The following PPP3CA variants were observed in gnomAD, a reference collection of about 807,000 sequenced individuals.
The protein encoded by PPP3CA is protein phosphatase 3 catalytic subunit alpha.
A neutral mutation model predicts 66.5 loss-of-function variants in PPP3CA; 14 were observed. That is an observed-to-expected ratio of 0.21 (90% CI 0.14 to 0.33). PPP3CA has a LOEUF of 0.33. Among genes scored for constraint, PPP3CA ranks in the 10% least tolerant of loss-of-function variants. The pLI, the probability that PPP3CA is intolerant of heterozygous loss-of-function variation, is 1.00. For missense variants in PPP3CA, 317 were observed against 639.5 expected, an observed-to-expected ratio of 0.50 and a Z score of 5.44; for synonymous variants, 232 against 226.2, an observed-to-expected ratio of 1.03 and a Z score of -0.23.
intron 11 of PPP3CA, among the ~76,000 whole-genome samples, chr4:101,033,256 G>A (rs1727075261): frequency 6.7e-6 from 1 of 148,562 alleles, no homozygotes; most frequent in Non-Finnish European, 1.5e-5. Context: ...ATATTTGCGT[G>A]TATATATACA....
intron 10 of PPP3CA, among the ~76,000 whole-genome samples, chr4:101,050,152 T>C (rs1727945894): frequency 6.6e-6 from 1 of 152,034 alleles, no homozygotes; most frequent in Admixed American, 6.6e-5. Flanking sequence ...TATAAATATA[T>C]TATTATCTTA....
At chr4:101,217,023 T>G (rs969263082) in intron 1 of PPP3CA, among the ~76,000 whole-genome samples, 1 of 152,146 alleles carries the variant, frequency 6.6e-6, no homozygotes, top group Admixed American at 6.5e-5. Context: ...GTTCAAAAAA[T>G]TACGTAAGTA....
chr4:101,113,127 A>C (rs1721728036), intron 2 of PPP3CA, among the ~76,000 whole-genome samples: 3 of 152,144 alleles, frequency 2.0e-5, no homozygotes, highest in South Asian at 4.1e-4. Flanking sequence ...CACAGGTTTC[A>C]ATACAGTGTG....
At chr4:101,334,196 G>A (rs1245264309) in intron 1 of PPP3CA, among the ~76,000 whole-genome samples, 4 of 151,338 alleles carry the variant, frequency 2.6e-5, no homozygotes, top group South Asian at 4.2e-4. Flanking sequence ...GTGCAATGTC[G>A]TGATCTCTGC....
chr4:101,042,922 C>T lies in PPP3CA; in HGVS notation c.1157-2356G>A, dbSNP rs569089596. 2.7e-5 allele frequency among the ~76,000 whole-genome samples: 4 copies of T among 150,936 alleles called. No homozygotes were observed. In the East Asian group the frequency reaches 7.8e-4, roughly 30 times the overall value. On this transcript the variant is annotated intron_variant, in intron 10 of 13. Coordinates refer to ENST00000394854, the MANE Select transcript of PPP3CA (RefSeq NM_000944.5). The stretch of plus-strand genomic sequence containing the variant: ...AATGATGCTTTCAGTCTAACATTGT[C>T]CTATTACTACTCTATGTTTAAAATT...
At chr4:101,156,734 T>G (rs1442878404) in intron 2 of PPP3CA, among the ~76,000 whole-genome samples, 1 of 151,902 alleles carries the variant, frequency 6.6e-6, no homozygotes, top group South Asian at 2.1e-4. Flanking sequence ...ACAAAGCAAT[T>G]TGGCTAGATT....
intron 1 of PPP3CA, among the ~76,000 whole-genome samples, chr4:101,218,988 T>C (rs902739132): frequency 2.6e-5 from 4 of 152,040 alleles, no homozygotes; most frequent in Non-Finnish European, 4.4e-5. Context: ...TGCTAAAGAT[T>C]TGAGTTTGTT....
At chr4:101,326,481 T>C (rs1729212508) in intron 1 of PPP3CA, among the ~76,000 whole-genome samples, 1 of 152,220 alleles carries the variant, frequency 6.6e-6, no homozygotes, top group East Asian at 1.9e-4. Context: ...GCTCCAATTT[T>C]AAGAGAAGCA....
At chr4:101,051,393 C>T (rs116761760) in intron 10 of PPP3CA, among the ~76,000 whole-genome samples, 1 of 152,240 alleles carries the variant, frequency 6.6e-6, no homozygotes, top group Non-Finnish European at 1.5e-5. Flanking sequence ...CATCAGTTAT[C>T]AATTACTCTA....
intron 1 of PPP3CA, among the ~76,000 whole-genome samples, chr4:101,232,698 A>G (rs964138938): frequency 2.0e-5 from 3 of 151,578 alleles, no homozygotes; most frequent in Non-Finnish European, 4.4e-5. Context: ...GAAAAAAGGA[A>G]TATCTCTTTG....
chr4:101,069,700 C>A (rs1728830503), intron 8 of PPP3CA, among the ~76,000 whole-genome samples: 1 of 152,016 alleles, frequency 6.6e-6, no homozygotes, highest in Admixed American at 6.6e-5. Flanking sequence ...AAGACCAACC[C>A]CTCTTCCTCT....
In PPP3CA at chr4:101,193,226, G is replaced by A. The variant is rs1328471439; in HGVS notation, c.259+2690C>T. Among the ~76,000 whole-genome samples, 6 of 152,164 alleles carry A rather than the reference G, an allele frequency of 3.9e-5. No individual in the cohort carries two copies. The South Asian group carries it at 8.3e-4, about 21-fold the overall frequency. ...ATGTGATATATACCACCTGTACCAG[G>A]TAAATGTATAATAAACATTTCATTA... On this transcript the variant is annotated intron_variant, in intron 2 of 13. Transcript: ENST00000394854.
At chr4:101,273,923 T>C (rs533852620) in intron 1 of PPP3CA, among the ~76,000 whole-genome samples, 4 of 152,064 alleles carry the variant, frequency 2.6e-5, no homozygotes, top group Non-Finnish European at 5.9e-5. Context: ...TTAAATTTTA[T>C]AATTGATTTA....
chr4:101,083,274 C>CA lies in PPP3CA; in HGVS notation c.783-12dup, dbSNP rs1560592854. Reference sequence around the variant, plus strand: ...CATACAGCCGGGTAACTGCCAGAGACAAAAAGAAAAGGGAAGCATCTGTTA... The same window carrying CA: ...CATACAGCCGGGTAACTGCCAGAGACAAAAAAGAAAAGGGAAGCATCTGTTA... On this transcript the variant is annotated splice_polypyrimidine_tract_variant and intron_variant, in intron 6 of 13. Coordinates refer to ENST00000394854, the MANE Select transcript of PPP3CA (RefSeq NM_000944.5). 6.2e-7 allele frequency: 1 copy of CA among 1,603,424 alleles called. No homozygotes were observed. Among genetic ancestry groups the CA allele is most frequent in the East Asian group, 2.2e-5 (1 of 44,526 alleles).
chr4:101,105,646 G>C (rs1730632430), intron 3 of PPP3CA, among the ~76,000 whole-genome samples: 2 of 152,148 alleles, frequency 1.3e-5, no homozygotes, highest in African/African-American at 4.8e-5. Context: ...CAAAGATGGA[G>C]TTGGTGGCAC....
chr4:101,195,115 T>C (rs971595326), intron 2 of PPP3CA, among the ~76,000 whole-genome samples: 39 of 151,372 alleles, frequency 2.6e-4, no homozygotes, highest in African/African-American at 8.5e-4. Context: ...TCTACAAAAA[T>C]AGAAAAATTA....
chr4:101,267,323 T>A (rs999981456), intron 1 of PPP3CA, among the ~76,000 whole-genome samples: 3 of 152,192 alleles, frequency 2.0e-5, no homozygotes, highest in African/African-American at 7.2e-5. Context: ...ATAATAGGTA[T>A]GAATTATCCA....
At chr4:101,124,556 C>T (rs952228955) in intron 2 of PPP3CA, among the ~76,000 whole-genome samples, 1 of 151,542 alleles carries the variant, frequency 6.6e-6, no homozygotes, top group Admixed American at 6.6e-5. Context: ...TTGCAGTGAG[C>T]CGGGATCGTG....
intron 10 of PPP3CA, 50 bp from the exon 11 acceptor site, chr4:101,040,616 A>G (rs1560574363): frequency 6.7e-7 from 1 of 1,487,954 alleles, no homozygotes; most frequent in East Asian, 2.3e-5. Flanking sequence ...ATCTAATTGT[A>G]ATTGATTTTA....
Sources: gnomAD v4.1 joint callset for allele counts (sites outside exome capture counted in the v4.1 genomes callset) on GRCh38, gnomAD v4.1.1 for gene constraint, MANE v1.5 for transcripts, NCBI Gene and HGNC (gene_info 2026-07-23, HGNC 2026-07-21) for gene names.